Variants in TBC1D15 observed in about 807,000 individuals in gnomAD.
The protein encoded by TBC1D15 is TBC1 domain family member 15.
TBC1D15 carries 39 observed loss-of-function variants against 95.4 expected under a neutral mutation model. That is an observed-to-expected ratio of 0.41 (90% CI 0.32 to 0.53). The LOEUF is 0.53. Among genes scored for constraint, TBC1D15 ranks in the 20% least tolerant of loss-of-function variants. TBC1D15 has a pLI of 0.29. For synonymous variants in TBC1D15, 258 were observed against 261.3 expected, an observed-to-expected ratio of 0.99 and a Z score of 0.12; for missense variants, 733 against 794.3, an observed-to-expected ratio of 0.92 and a Z score of 0.93.
intron 5 of TBC1D15, 78 bp downstream of exon 5, chr12:71,885,099 T>A: frequency 6.9e-7 from 1 of 1,445,388 alleles, no homozygotes; most frequent in Non-Finnish European, 9.5e-7. Flanking sequence ...TTACTTGACC[T>A]TGGGCATCAG....
In TBC1D15 at chr12:71,894,866, T is replaced by C; in HGVS notation, c.838T>C (p.Phe280Leu). ...GATAAATCAACAAGAAGAACCAGGA[T>C]TTGAAGTCATCACAAGAGTGAGTAA... is the stretch of plus-strand genomic sequence containing the variant. Reference protein sequence around the residue: ...LKINQQEEPGFEVITRIDLGE... With the variant: ...LKINQQEEPGLEVITRIDLGE... Residue 280 changes from phenylalanine (F) to leucine (L), a missense_variant, in exon 7 of 17, where the codon TTT becomes CTT. Phe to Leu is a conservative substitution (Grantham distance 22). Coordinates refer to ENST00000485960, the MANE Select transcript of TBC1D15 (RefSeq NM_001146213.3). The C allele has an allele frequency of 6.2e-7, 1 of 1,612,646 alleles. No homozygotes were observed. The highest frequency in any genetic ancestry group is 2.2e-5 in the East Asian group (1 of 44,842).
intron 11 of TBC1D15, among the ~76,000 whole-genome samples, chr12:71,908,177 A>G (rs1234162765): frequency 6.6e-6 from 1 of 152,036 alleles, no homozygotes; most frequent in Non-Finnish European, 1.5e-5. Context: ...TGTCTCAAGG[A>G]AAAAAAAGAA....
chr12:71,893,999 T>C (rs184104037), intron 6 of TBC1D15, among the ~76,000 whole-genome samples: 117 of 152,106 alleles, frequency 7.7e-4, no homozygotes, highest in Non-Finnish European at 1.2e-3. Context: ...AACTAAACAC[T>C]GTTTAAAATG....
chr12:71,841,172 G>A (rs1221760335), intron 1 of TBC1D15: 1 of 152,076 alleles, frequency 6.6e-6, no homozygotes, highest in African/African-American at 2.4e-5. Context: ...CATCTAAACT[G>A]ATCCAGGCTG....
At chr12:71,862,038 A>T (rs1890495124) in intron 1 of TBC1D15, among the ~76,000 whole-genome samples, 1 of 152,140 alleles carries the variant, frequency 6.6e-6, no homozygotes. Flanking sequence ...GTCAGAAAAG[A>T]TACTTCTTAT....
intron 1 of TBC1D15, among the ~76,000 whole-genome samples, chr12:71,844,554 C>T (rs760404406): frequency 1.3e-5 from 2 of 152,162 alleles, no homozygotes; most frequent in Non-Finnish European, 2.9e-5. Context: ...GCCTGAGCCT[C>T]CTAAATCTAG....
intron 5 of TBC1D15, among the ~76,000 whole-genome samples, chr12:71,887,995 A>C (rs1281619965): frequency 6.6e-6 from 1 of 152,246 alleles, no homozygotes; most frequent in East Asian, 1.9e-4. Context: ...TGACTCCAGA[A>C]AGAAATTAGA....
chr12:71,912,739 T>G (rs1292233567), intron 11 of TBC1D15, among the ~76,000 whole-genome samples: 1 of 152,138 alleles, frequency 6.6e-6, no homozygotes, highest in African/African-American at 2.4e-5. Context: ...ATGTAAACTT[T>G]GGATTCGCAA....
chr12:71,885,265 T>A (rs959810490), intron 5 of TBC1D15, among the ~76,000 whole-genome samples: 6 of 152,242 alleles, frequency 3.9e-5, no homozygotes, highest in African/African-American at 1.4e-4. Context: ...GTTTAATATT[T>A]TTTATACATT....
At chr12:71,880,896 A>C (rs774102165) in intron 4 of TBC1D15, among the ~76,000 whole-genome samples, 7 of 152,196 alleles carry the variant, frequency 4.6e-5, no homozygotes, top group Non-Finnish European at 1.0e-4. Flanking sequence ...ATTTTTCTTA[A>C]TTTAGTAGAA....
At position 71,874,161 on chromosome 12, in the gene TBC1D15, C is replaced by T. The variant is rs961372339; in HGVS notation, c.204+1158C>T. Among the ~76,000 whole-genome samples, 84 of 152,166 alleles carry T rather than the reference C, an allele frequency of 5.5e-4. 1 individual carries two copies. Among genetic ancestry groups the T allele is most frequent in the African/African-American group, 1.8e-3 (76 of 41,446 alleles). Reference sequence around the variant, plus strand: ...GTGCAAAGGTAATTGAGGTCTTTGACATTGCTTTAATGGCAAACACCGCAA... The same window carrying T: ...GTGCAAAGGTAATTGAGGTCTTTGATATTGCTTTAATGGCAAACACCGCAA... On this transcript the variant is annotated intron_variant, in intron 3 of 16. Coordinates refer to ENST00000485960, the MANE Select transcript of TBC1D15 (RefSeq NM_001146213.3).
At chr12:71,906,680 T>C (rs73336860) in intron 10 of TBC1D15, among the ~76,000 whole-genome samples, 151 of 152,084 alleles carry the variant, frequency 9.9e-4, no homozygotes, top group African/African-American at 3.6e-3. Flanking sequence ...ATGACATGCA[T>C]TAATGACTGG....
At position 71,854,895 on chromosome 12, in the gene TBC1D15, A is replaced by G. The variant is rs113824213; in HGVS notation, c.30+15084A>G. The G allele has an allele frequency of 4.0e-3, 1,840 of 455,588 alleles. 16 individuals are homozygous for G. Among genetic ancestry groups the G allele is most frequent in the African/African-American group, 0.022 (1,091 of 50,028 alleles). The allele number at this position is 455,588 out of a possible 1,614,324, so 28.2% of individuals were successfully genotyped here. On this transcript the variant is annotated intron_variant, in intron 1 of 16. Coordinates refer to ENST00000485960, the MANE Select transcript of TBC1D15 (RefSeq NM_001146213.3). ...TTGAATTTGTATCATGTTTTCCATC[A>G]GACAAAATTCCTTCAGTACCCTTGA... is the stretch of plus-strand genomic sequence containing the variant.
intron 1 of TBC1D15, among the ~76,000 whole-genome samples, chr12:71,845,130 A>G (rs758470801): frequency 6.6e-6 from 1 of 152,232 alleles, no homozygotes; most frequent in Non-Finnish European, 1.5e-5. Context: ...TTTGGGTAAC[A>G]GAGTTCACAA....
intron 5 of TBC1D15, among the ~76,000 whole-genome samples, chr12:71,885,434 G>C (rs1896038861): frequency 6.6e-6 from 1 of 152,172 alleles, no homozygotes; most frequent in African/African-American, 2.4e-5. Flanking sequence ...TCAGTTGGAA[G>C]ACAGGGCCTT....
chr12:71,917,434 T>G (rs2139066112), intron 12 of TBC1D15, among the ~76,000 whole-genome samples: 1 of 152,344 alleles, frequency 6.6e-6, no homozygotes. Flanking sequence ...ATAGTCAGTC[T>G]GCAGTTGCTA....
chr12:71,839,996 T>C (rs943170383), intron 1 of TBC1D15, among the ~76,000 whole-genome samples, 185 bp downstream of exon 1: 13 of 152,146 alleles, frequency 8.5e-5, no homozygotes, highest in African/African-American at 1.2e-4. Context: ...CGCGGAGTTA[T>C]AGAGCCGGCT....
chr12:71,840,330 CT>C (rs1884641252), intron 1 of TBC1D15, among the ~76,000 whole-genome samples: 1 of 152,178 alleles, frequency 6.6e-6, no homozygotes, highest in Admixed American at 6.5e-5. Context: ...TTTTACCAAG[CT>C]GCTGAGTTGG....
At chr12:71,854,394 C>T (rs1165183190) in intron 1 of TBC1D15, among the ~76,000 whole-genome samples, 1 of 152,058 alleles carries the variant, frequency 6.6e-6, no homozygotes, top group African/African-American at 2.4e-5. Flanking sequence ...TAATACCTAT[C>T]TCTTCTGTAC....
Sources: gnomAD v4.1 joint callset for allele counts (sites outside exome capture counted in the v4.1 genomes callset) on GRCh38, gnomAD v4.1.1 for gene constraint, MANE v1.5 for transcripts, NCBI Gene and HGNC (gene_info 2026-07-23, HGNC 2026-07-21) for gene names.